The following MOB3B variants were observed in gnomAD, a reference collection of about 807,000 sequenced individuals.
MOB3B encodes MOB kinase activator 3B, also known as MOB kinase activator-like 2B.
Under a neutral mutation model 18.7 loss-of-function variants are expected in MOB3B, and 7 were observed. The observed-to-expected ratio is 0.37, with a 90% CI of 0.21 to 0.70. The LOEUF is 0.70. MOB3B is among the 30% of genes least tolerant of loss of function. MOB3B has a pLI of 0.52. For missense variants in MOB3B, 253 were observed against 281.3 expected (o/e 0.90, Z 0.72); for synonymous variants, 111 against 99.9 (o/e 1.11, Z -0.66).
chr9:27,328,330 C>G lies in MOB3B; in HGVS notation c.*2257G>C, dbSNP rs1490849802. On this transcript the variant is annotated 3_prime_UTR_variant, in exon 4 of 4. Transcript: ENST00000262244. ...GTCAAGCAGAGGAGATAAAAATTGA[C>G]TGCAGAGATTTTCTTCAGAATGTGC... is the stretch of plus-strand genomic sequence containing the variant. The G allele has an allele frequency of 6.6e-6, 1 of 151,148 alleles. No individual in the cohort carries two copies. The highest frequency in any genetic ancestry group is 2.4e-5 in the African/African-American group (1 of 41,022). 9.4% of individuals were successfully genotyped at this position (151,148 alleles called of 1,614,324 possible). A position where few individuals can be genotyped will look rare whatever the true frequency, so the allele number is the denominator to read the frequency against.
intron 3 of MOB3B, among the ~76,000 whole-genome samples, chr9:27,351,666 T>C (rs1380899709): frequency 1.3e-5 from 2 of 152,208 alleles, no homozygotes; most frequent in Non-Finnish European, 2.9e-5. Context: ...CTGGCTACTT[T>C]AGGGAGTAGC....
intron 1 of MOB3B, among the ~76,000 whole-genome samples, chr9:27,488,645 T>A (rs1819767578): frequency 1.3e-5 from 2 of 152,196 alleles, no homozygotes; most frequent in African/African-American, 4.8e-5. Context: ...TGACCTTACG[T>A]GGTCTACCCA....
rs1822855374 is a variant in MOB3B, at chr9:27,455,459, T to C, written c.92A>G (p.His31Arg). The C allele has an allele frequency of 6.2e-7, 1 of 1,614,138 alleles. No individual in the cohort carries two copies. The highest frequency in any genetic ancestry group is 8.5e-7 in the Non-Finnish European group (1 of 1,180,050). ...FEPGTQRFEL[H>R]KRAQASLNSG... ...GTTGAGGGATGCCTGAGCCCGTTTG[T>C]GCAGCTCAAACCTCTGTGTGCCAGG... is the stretch of plus-strand genomic sequence containing the variant. Residue 31 changes from histidine to arginine, a missense_variant, in exon 2 of 4, where the codon CAC becomes CGC. Transcript: ENST00000262244.
chr9:27,507,903 C>T (rs556793390), intron 1 of MOB3B, among the ~76,000 whole-genome samples: 29 of 152,332 alleles, frequency 1.9e-4, no homozygotes, highest in African/African-American at 6.7e-4. Context: ...TTAAGTTCTT[C>T]AAGCGATTAA....
In MOB3B at chr9:27,366,714, G is replaced by A. The variant is rs114876686; in HGVS notation, c.419-7478C>T. On this transcript the variant is annotated intron_variant, in intron 2 of 3. Transcript: ENST00000262244. ...GGGAATGAGACTCTGATCTGTGATC[G>A]GTGCTGGGCTGAACCTGGGCTTTTG... Among the ~76,000 whole-genome samples the A allele has an allele frequency of 2.0e-3, 297 of 152,230 alleles. 1 individual carries two copies. The highest frequency in any genetic ancestry group is 6.7e-3 in the African/African-American group (277 of 41,532).
chr9:27,479,044 C>A (rs1203315680), intron 1 of MOB3B, among the ~76,000 whole-genome samples: 1 of 152,142 alleles, frequency 6.6e-6, no homozygotes, highest in Non-Finnish European at 1.5e-5. Flanking sequence ...ATATTCTATA[C>A]CTAATTAAGT....
chr9:27,378,634 C>A (rs895729103), intron 2 of MOB3B: 1 of 471,170 alleles, frequency 2.1e-6, no homozygotes, highest in African/African-American at 2.0e-5. Context: ...CTGGTCCATT[C>A]TCCCAGCCCT....
chr9:27,464,198 A>G (rs1417936987), intron 1 of MOB3B, among the ~76,000 whole-genome samples: 1 of 152,164 alleles, frequency 6.6e-6, no homozygotes, highest in Non-Finnish European at 1.5e-5. Context: ...TTTACGAATA[A>G]GAAATAGGCA....
At chr9:27,508,331 T>TA (rs1194457360) in intron 1 of MOB3B, among the ~76,000 whole-genome samples, 4 of 152,092 alleles carry the variant, frequency 2.6e-5, no homozygotes, top group Non-Finnish European at 4.4e-5. Flanking sequence ...AGTATCACAT[T>TA]AAAAAAACGC....
At chr9:27,417,320 C>T (rs1316417030) in intron 2 of MOB3B, among the ~76,000 whole-genome samples, 1 of 152,150 alleles carries the variant, frequency 6.6e-6, no homozygotes, top group Non-Finnish European at 1.5e-5. Context: ...GCCGAGATTG[C>T]GTCACTGTAC....
At chr9:27,403,018 A>G (rs1821908647) in intron 2 of MOB3B, among the ~76,000 whole-genome samples, 1 of 152,180 alleles carries the variant, frequency 6.6e-6, no homozygotes, top group Non-Finnish European at 1.5e-5. Context: ...CCAAACATTC[A>G]ACCTTCCCAA....
At chr9:27,518,094 A>G (rs1281893622) in intron 1 of MOB3B, among the ~76,000 whole-genome samples, 1 of 152,244 alleles carries the variant, frequency 6.6e-6, no homozygotes, top group Non-Finnish European at 1.5e-5. Flanking sequence ...AGTAAGGCCA[A>G]CTTAAATTTT....
At chr9:27,404,336 C>CTTCT (rs1563860270) in intron 2 of MOB3B, among the ~76,000 whole-genome samples, 25 of 134,256 alleles carry the variant, frequency 1.9e-4, no homozygotes, top group Non-Finnish European at 3.0e-4. Context: ...TCTTTCTTTC[C>CTTCT]TTCTTTCTTT....
chr9:27,345,610 G>T (rs1821022000), intron 3 of MOB3B, among the ~76,000 whole-genome samples: 1 of 152,096 alleles, frequency 6.6e-6, no homozygotes. Flanking sequence ...ACTGATATTT[G>T]TTACCTGCCT....
At chr9:27,391,387 AG>A (rs1821725128) in intron 2 of MOB3B, among the ~76,000 whole-genome samples, 2 of 152,168 alleles carry the variant, frequency 1.3e-5, no homozygotes, top group Admixed American at 6.5e-5. Flanking sequence ...CCCTAGGGGA[AG>A]GGGGCAGAGC....
At chr9:27,506,995 T>C (rs1820071959) in intron 1 of MOB3B, among the ~76,000 whole-genome samples, 1 of 152,150 alleles carries the variant, frequency 6.6e-6, no homozygotes, top group South Asian at 2.1e-4. Flanking sequence ...TATTTAATCT[T>C]GACCATAGTC....
intron 1 of MOB3B, among the ~76,000 whole-genome samples, chr9:27,517,369 T>C (rs79640237): frequency 0.032 from 4,937 of 152,170 alleles, 108 homozygotes; most frequent in Middle Eastern, 0.065. Flanking sequence ...GAGGTAGAAT[T>C]GGCTGGGTGT....
chr9:27,334,525 G>C (rs1820835330), intron 3 of MOB3B, among the ~76,000 whole-genome samples: 1 of 152,144 alleles, frequency 6.6e-6, no homozygotes, highest in Non-Finnish European at 1.5e-5. Context: ...TTTCTGTTCT[G>C]ATCTAAACAC....
At chr9:27,422,028 T>G (rs1278538683) in intron 2 of MOB3B, among the ~76,000 whole-genome samples, 1 of 152,210 alleles carries the variant, frequency 6.6e-6, no homozygotes, top group South Asian at 2.1e-4. Context: ...GTGTCCTCAG[T>G]AAGTGTCAAA....
Sources: gnomAD v4.1 joint callset for allele counts (sites outside exome capture counted in the v4.1 genomes callset) on GRCh38, gnomAD v4.1.1 for gene constraint, MANE v1.5 for transcripts, NCBI Gene and HGNC (gene_info 2026-07-23, HGNC 2026-07-21) for gene names.